Variants in SPTA1 observed in about 807,000 individuals in gnomAD.
SPTA1 encodes spectrin alpha, erythrocytic 1.
Under a neutral mutation model 324.7 loss-of-function variants are expected in SPTA1, and 177 were observed. The ratio of observed to expected loss-of-function variants is 0.55; its 90% CI spans 0.48 to 0.62. The LOEUF (loss-of-function observed/expected upper bound fraction) is 0.62. SPTA1 is among the 20% of genes least tolerant of loss of function. The pLI, the probability that SPTA1 is intolerant of heterozygous loss-of-function variation, is 0.00. For synonymous variants in SPTA1, 1,195 were observed against 1,041.3 expected (o/e 1.15, Z -2.84); for missense variants, 3,162 against 2,883.6 (o/e 1.10, Z -2.21).
At chr1:158,686,461 G>A (rs1655184199) in intron 1 of SPTA1, 33 bp downstream of exon 1, 2 of 1,420,944 alleles carry the variant, frequency 1.4e-6, no homozygotes, top group Non-Finnish European at 2.0e-6. Flanking sequence ...TAATATTAAT[G>A]ACAAATTGCA....
At chr1:158,664,949 C>A (rs964044588) in intron 16 of SPTA1, among the ~76,000 whole-genome samples, 4 of 152,156 alleles carry the variant, frequency 2.6e-5, no homozygotes, top group African/African-American at 9.7e-5. Context: ...CTGTTTTGAT[C>A]TTAGTTTCTT....
intron 47 of SPTA1, among the ~76,000 whole-genome samples, chr1:158,616,964 G>A (rs941236097): frequency 6.6e-5 from 10 of 151,434 alleles, no homozygotes; most frequent in Admixed American, 6.6e-5. Context: ...ACCTGACATC[G>A]TATTCTCTAG....
At chr1:158,661,614 A>G (rs931996269) in intron 17 of SPTA1, 8 of 646,466 alleles carry the variant, frequency 1.2e-5, no homozygotes, top group African/African-American at 1.8e-5. Context: ...AATAAATTTC[A>G]ATTCACTGTT....
At chr1:158,659,905 C>T (rs1245843375) in intron 18 of SPTA1, among the ~76,000 whole-genome samples, 3 of 61,436 alleles carry the variant, frequency 4.9e-5, no homozygotes, top group Non-Finnish European at 7.9e-5. Flanking sequence ...CCACCGCGCC[C>T]GGCCTAGTCT....
intron 39 of SPTA1, among the ~76,000 whole-genome samples, chr1:158,633,197 C>G (rs1222275134): frequency 6.6e-6 from 1 of 152,162 alleles, no homozygotes; most frequent in African/African-American, 2.4e-5. Flanking sequence ...TATAAAAAAG[C>G]AACAGCAGTG....
chr1:158,613,812 G>A lies in SPTA1; in HGVS notation c.6898C>T (p.Leu2300=). 1 of 1,613,856 alleles carries A rather than the reference G, an allele frequency of 6.2e-7. No homozygotes were observed. The highest frequency in any genetic ancestry group is 8.5e-7 in the Non-Finnish European group (1 of 1,179,906). Residue 2300 remains leucine, a synonymous_variant, in exon 50 of 52, where the codon CTG becomes TTG. Coordinates refer to ENST00000643759, the MANE Select transcript of SPTA1 (RefSeq NM_003126.4). Reference sequence around the variant, plus strand: ...GGCAAGTAGTAATTGAGTCCTCTCAGGCAGGACCGGAACTCTTTGTGAGTC... The same window carrying A: ...GGCAAGTAGTAATTGAGTCCTCTCAAGCAGGACCGGAACTCTTTGTGAGTC... ...RLTHKEFRSC[L]RGLNYYLPMV...
chr1:158,680,980 G>C (rs1189766028), intron 4 of SPTA1, among the ~76,000 whole-genome samples: 1 of 152,144 alleles, frequency 6.6e-6, no homozygotes, highest in Admixed American at 6.6e-5. Flanking sequence ...GACCCTGAAA[G>C]TACCCTTTTG....
chr1:158,639,619 T>C lies in SPTA1; in HGVS notation c.4943A>G (p.Lys1648Arg), dbSNP rs1651374921. The change falls in exon 35 of 52, where the codon AAG becomes AGG. Residue 1648 changes from lysine (K) to arginine (R), a missense_variant. Physicochemically the swap from Lys to Arg is conservative, Grantham distance 26 (BLOSUM62 2). Transcript: ENST00000643759. ...CATCTCTCTCTCCAATAGCTGATGC[T>C]TCTTGAGTAGGTTTCCTGCTGAAGC... ...DLASAGNLLK[K>R]HQLLEREMLA... is the part of the protein sequence containing the mutation. 6.2e-7 allele frequency: 1 copy of C among 1,613,932 alleles called. No individual in the cohort carries two copies. Among genetic ancestry groups the C allele is most frequent in the South Asian group, 1.1e-5 (1 of 91,084 alleles).
At chr1:158,621,795 A>C (rs1056030634) in intron 43 of SPTA1, among the ~76,000 whole-genome samples, 2 of 152,196 alleles carry the variant, frequency 1.3e-5, no homozygotes, top group African/African-American at 4.8e-5. Context: ...TCCTTGACTT[A>C]ATTTGTTACC....
intron 16 of SPTA1, 124 bp from the exon 17 acceptor site, chr1:158,663,069 T>G: frequency 3.7e-6 from 5 of 1,351,042 alleles, no homozygotes; most frequent in Non-Finnish European, 5.1e-6. Context: ...TTCTGATCTC[T>G]AATTAAATCA....
intron 48 of SPTA1, 98 bp downstream of exon 48, chr1:158,615,118 C>T (rs1433598520): frequency 1.4e-6 from 2 of 1,400,398 alleles, no homozygotes; most frequent in East Asian, 4.6e-5. Context: ...TCTGAAGCAA[C>T]TCTTTTATCT....
intron 42 of SPTA1, 134 bp downstream of exon 42, chr1:158,626,012 T>G: frequency 2.9e-6 from 2 of 684,658 alleles, no homozygotes; most frequent in Non-Finnish European, 5.0e-6. Flanking sequence ...ATTAGGAAAT[T>G]ATTAATATTA....
intron 30 of SPTA1, among the ~76,000 whole-genome samples, chr1:158,643,902 C>T (rs1161178785): frequency 6.6e-6 from 1 of 151,840 alleles, no homozygotes; most frequent in Non-Finnish European, 1.5e-5. Flanking sequence ...TTTGGGAGGC[C>T]GAGGTAGGTA....
In SPTA1 at chr1:158,677,698, T is replaced by C. The variant is rs2101933648; in HGVS notation, c.949A>G (p.Ser317Gly). 1 of 1,613,430 alleles carries C rather than the reference T, an allele frequency of 6.2e-7. No individual in the cohort carries two copies. The highest frequency in any genetic ancestry group is 8.5e-7 in the Non-Finnish European group (1 of 1,179,638). ...KGLERNLAVM[S>G]DKVKELCAKA... ...CTCTAACAGCGCATTACCTTGTCAC[T>C]CATGACAGCAAGATTTCTCTCAAGT... is the stretch of plus-strand genomic sequence containing the variant. The change falls in exon 7 of 52, where the codon AGT becomes GGT. Residue 317 changes from serine (S) to glycine (G), a missense_variant. By Grantham distance (56) the Ser-to-Gly change is moderately conservative. Coordinates refer to ENST00000643759, the MANE Select transcript of SPTA1 (RefSeq NM_003126.4).
Position 158,643,329 on chromosome 1 carries a change from G to T in SPTA1, c.4435C>A (p.Leu1479Ile). The change falls in exon 31 of 52, where the codon CTA (leucine) becomes ATA (isoleucine). Residue 1479 changes from leucine (L) to isoleucine (I), a missense_variant. Transcript: ENST00000643759. ...EEIATRLQRV[L>I]DRWKALKAQL... is the part of the protein sequence containing the mutation. ...CAATCACTCAGGCCTGACCTGTCTA[G>T]TACACGTTGGAGCCGCGTAGCAATC... is the stretch of plus-strand genomic sequence containing the variant. The T allele has an allele frequency of 6.2e-7, 1 of 1,613,754 alleles. No homozygotes were observed. Among genetic ancestry groups the T allele is most frequent in the East Asian group, 2.2e-5 (1 of 44,880 alleles).
chr1:158,679,374 GA>G (rs1243246468), intron 5 of SPTA1, among the ~76,000 whole-genome samples: 1 of 152,154 alleles, frequency 6.6e-6, no homozygotes, highest in East Asian at 1.9e-4. Context: ...TCAAAAGGTA[GA>G]GTATGTTTCC....
At chr1:158,667,503 A>G (rs1388502813) in intron 15 of SPTA1, among the ~76,000 whole-genome samples, 1 of 152,228 alleles carries the variant, frequency 6.6e-6, no homozygotes, top group Non-Finnish European at 1.5e-5. Context: ...TCTAGCTTAT[A>G]GAACCAAAAT....
Position 158,653,325 on chromosome 1 carries a change from C to T in SPTA1, c.3137G>A (p.Arg1046Gln). ...GGTGATGTTTCCTGGCTCTTCTCGT[C>T]GCCGCTGTGGGAGCATCGGGAACTC... ...HDEFPMLPQRRREEPGNITQR... is the reference protein window; with the variant it reads ...HDEFPMLPQRQREEPGNITQR... The change falls in exon 22 of 52, where the codon CGA becomes CAA. Residue 1046 changes from arginine to glutamine, a missense_variant. Physicochemically the swap from Arg to Gln is conservative, Grantham distance 43. Transcript: ENST00000643759. The T allele has an allele frequency of 1.2e-6, 2 of 1,614,082 alleles. No homozygotes were observed. Among genetic ancestry groups the T allele is most frequent in the Non-Finnish European group, 1.7e-6 (2 of 1,180,014 alleles).
rs1440123856 is a variant in SPTA1 at position 158,623,159 on chromosome 1, G to A, written c.5944C>T (p.Gln1982Ter). The part of the protein sequence containing the change: ...TLDASLQSFQ[Q>*]ERLPEITDLK... Reference sequence around the variant, plus strand: ...TCAGTGATCTCGGGAAGTCTCTCTTGCTGGAAACTCTGCAGACTGGCATCC... The same window carrying A: ...TCAGTGATCTCGGGAAGTCTCTCTTACTGGAAACTCTGCAGACTGGCATCC... Residue 1982 changes from glutamine to a stop codon, truncating the protein, a stop_gained, in exon 43 of 52, where the codon CAA (glutamine) becomes TAA (stop). Coordinates refer to ENST00000643759, the MANE Select transcript of SPTA1 (RefSeq NM_003126.4). LOFTEE classifies it high-confidence loss of function. 6.2e-7 allele frequency: 1 copy of A among 1,614,136 alleles called. No homozygotes were observed. Among genetic ancestry groups the A allele is most frequent in the Non-Finnish European group, 8.5e-7 (1 of 1,180,034 alleles).
Sources: allele counts gnomAD v4.1 joint callset (sites outside exome capture counted in the v4.1 genomes callset), GRCh38; gene constraint gnomAD v4.1.1; transcripts MANE v1.5; gene names NCBI Gene and HGNC (gene_info 2026-07-23, HGNC 2026-07-21).